The following B3GLCT variants were observed in gnomAD, a reference collection of about 807,000 sequenced individuals.
B3GLCT encodes beta-1,3-glucosyltransferase.
Under a neutral mutation model 63.4 loss-of-function variants are expected in B3GLCT, and 65 were observed. That is an observed-to-expected ratio of 1.03 (90% CI 0.84 to 1.26). The LOEUF (loss-of-function observed/expected upper bound fraction) is 1.26, where lower values mean the gene tolerates loss of function less well. B3GLCT is among the 50% of genes most tolerant of loss of function. The pLI is 0.00. For missense variants in B3GLCT, 577 were observed against 604.8 expected, an observed-to-expected ratio of 0.95 and a Z score of 0.48; for synonymous variants, 233 against 219.2, an observed-to-expected ratio of 1.06 and a Z score of -0.55.
chr13:31,286,993 T>G (rs571640626), intron 12 of B3GLCT, among the ~76,000 whole-genome samples, 174 bp downstream of exon 12: 52 of 152,284 alleles, frequency 3.4e-4, no homozygotes, highest in African/African-American at 1.2e-3. Flanking sequence ...TTTAACACAC[T>G]GAATATTAGG....
At chr13:31,298,095 C>T (rs1874047606) in intron 12 of B3GLCT, among the ~76,000 whole-genome samples, 1 of 152,164 alleles carries the variant, frequency 6.6e-6, no homozygotes, top group African/African-American at 2.4e-5. Flanking sequence ...GGGGGTGGGA[C>T]TGAAAGTCCC....
At chr13:31,326,296 TTTTTTG>T (rs1875617130) in intron 14 of B3GLCT, among the ~76,000 whole-genome samples, 1 of 142,156 alleles carries the variant, frequency 7.0e-6, no homozygotes, top group Admixed American at 7.1e-5. Flanking sequence ...TTTTTTTTTT[TTTTTTG>T]AGATGAAGTC....
At chr13:31,292,305 C>A (rs1035177041) in intron 12 of B3GLCT, among the ~76,000 whole-genome samples, 3 of 152,100 alleles carry the variant, frequency 2.0e-5, no homozygotes, top group African/African-American at 7.2e-5. Flanking sequence ...GTTTTAGTAT[C>A]AGAATGAGGC....
intron 13 of B3GLCT, among the ~76,000 whole-genome samples, chr13:31,321,981 C>T (rs1875348964): frequency 6.6e-6 from 1 of 152,152 alleles, no homozygotes; most frequent in African/African-American, 2.4e-5. Flanking sequence ...AGTCTTTTAT[C>T]CCTCATCCCC....
At chr13:31,276,130 C>G (rs1872772032) in intron 9 of B3GLCT, among the ~76,000 whole-genome samples, 1 of 152,140 alleles carries the variant, frequency 6.6e-6, no homozygotes, top group Admixed American at 6.5e-5. Flanking sequence ...GCCCCCACCC[C>G]ATCTCCACCA....
At chr13:31,218,169 T>G (rs1869644742) in intron 2 of B3GLCT, among the ~76,000 whole-genome samples, 1 of 151,700 alleles carries the variant, frequency 6.6e-6, no homozygotes, top group East Asian at 1.9e-4. Context: ...CCTAGGTGTT[T>G]TATTCTTTTT....
chr13:31,200,601 C>T (rs1015046325), intron 1 of B3GLCT, among the ~76,000 whole-genome samples: 4 of 151,562 alleles, frequency 2.6e-5, no homozygotes, highest in African/African-American at 9.7e-5. Context: ...GTCCTGCGCG[C>T]CCCGCGCCGG....
At chr13:31,261,803 T>A (rs1337745945) in intron 7 of B3GLCT, among the ~76,000 whole-genome samples, 2 of 152,220 alleles carry the variant, frequency 1.3e-5, no homozygotes, top group East Asian at 3.8e-4. Context: ...GAAAATCTTA[T>A]TAGCCCATTG....
At chr13:31,205,253 T>G (rs916087659) in intron 1 of B3GLCT, among the ~76,000 whole-genome samples, 1 of 151,550 alleles carries the variant, frequency 6.6e-6, no homozygotes, top group Non-Finnish European at 1.5e-5. Context: ...TTTTTGTTTT[T>G]TTTTTTAAGA....
At chr13:31,317,322 G>A (rs1874484000) in intron 12 of B3GLCT, among the ~76,000 whole-genome samples, 1 of 152,116 alleles carries the variant, frequency 6.6e-6, no homozygotes, top group Non-Finnish European at 1.5e-5. Context: ...TAAAAACTGA[G>A]GAACAAGCCC....
intron 12 of B3GLCT, among the ~76,000 whole-genome samples, chr13:31,293,418 A>G (rs1361493655): frequency 2.0e-5 from 3 of 152,122 alleles, no homozygotes; most frequent in African/African-American, 4.8e-5. Flanking sequence ...GCCTCCCACT[A>G]TTATTGTGTG....
At chr13:31,226,543 G>C (rs1054578262) in intron 3 of B3GLCT, among the ~76,000 whole-genome samples, 2 of 152,228 alleles carry the variant, frequency 1.3e-5, no homozygotes, top group African/African-American at 4.8e-5. Context: ...TGAGCTGGTA[G>C]GAGTGGCAGG....
At chr13:31,204,678 C>T (rs769104241) in intron 1 of B3GLCT, among the ~76,000 whole-genome samples, 17 of 152,026 alleles carry the variant, frequency 1.1e-4, no homozygotes, top group Non-Finnish European at 1.0e-4. Context: ...ATATGGCTGC[C>T]GTTTCCTGAA....
chr13:31,200,511 G>A (rs1440496585), intron 1 of B3GLCT, among the ~76,000 whole-genome samples: 1 of 150,358 alleles, frequency 6.7e-6, no homozygotes, highest in Non-Finnish European at 1.5e-5. Flanking sequence ...CGCAGGAACT[G>A]TGCCACCGAA....
chr13:31,208,623 C>A (rs1005714819), intron 1 of B3GLCT, among the ~76,000 whole-genome samples: 4 of 116,288 alleles, frequency 3.4e-5, no homozygotes, highest in East Asian at 4.6e-4. Flanking sequence ...TTAGTGGCCC[C>A]CCCCCCCCGC....
intron 7 of B3GLCT, among the ~76,000 whole-genome samples, chr13:31,266,020 A>G (rs879609379): frequency 2.6e-5 from 4 of 151,688 alleles, no homozygotes; most frequent in Non-Finnish European, 4.4e-5. Flanking sequence ...TTTTTTTTGA[A>G]ACGGAGTCTC....
chr13:31,294,242 A>G (rs931385639), intron 12 of B3GLCT, among the ~76,000 whole-genome samples: 24 of 151,792 alleles, frequency 1.6e-4, no homozygotes, highest in African/African-American at 4.1e-4. Context: ...TGCCTTTAAC[A>G]TTTTTTCCTT....
At chr13:31,308,252 C>T (rs1874483323) in intron 12 of B3GLCT, among the ~76,000 whole-genome samples, 3 of 54,406 alleles carry the variant, frequency 5.5e-5, no homozygotes, top group Non-Finnish European at 3.9e-5. Context: ...TTAGTGGGTG[C>T]AGCGCACCAG....
chr13:31,290,837 T>G lies in B3GLCT; in HGVS notation c.1064+4018T>G, dbSNP rs1308509176. 3.9e-5 allele frequency among the ~76,000 whole-genome samples: 6 copies of G among 152,340 alleles called. No individual in the cohort carries two copies. In the East Asian group the frequency reaches 1.2e-3, roughly 29 times the overall value. ...CCTGTTCACTCTGATGATAGTTTCT[T>G]TTGCTGTGCAGTAGCTCTTTAGTTT... On this transcript the variant is annotated intron_variant, in intron 12 of 14. Coordinates refer to ENST00000343307, the MANE Select transcript of B3GLCT (RefSeq NM_194318.4).
Sources: gnomAD v4.1 joint callset for allele counts (sites outside exome capture counted in the v4.1 genomes callset) on GRCh38, gnomAD v4.1.1 for gene constraint, MANE v1.5 for transcripts, NCBI Gene and HGNC (gene_info 2026-07-23, HGNC 2026-07-21) for gene names.